Variants in SHC3 observed in about 807,000 individuals in gnomAD.
SHC3 encodes SHC-transforming protein 3.
In SHC3, 15 loss-of-function variants were observed where a neutral mutation model predicts 60.4. The observed-to-expected ratio is 0.25, with a 90% CI of 0.17 to 0.38. The LOEUF (loss-of-function observed/expected upper bound fraction) is 0.38, where lower values mean the gene tolerates loss of function less well. Ranked by LOEUF, SHC3 falls within the 10% of genes least tolerant of loss-of-function variation. SHC3 has a pLI of 1.00. For missense variants in SHC3, 677 were observed against 786.1 expected, an observed-to-expected ratio of 0.86 and a Z score of 1.66; for synonymous variants, 294 against 325.9, an observed-to-expected ratio of 0.90 and a Z score of 1.05.
intron 1 of SHC3, among the ~76,000 whole-genome samples, chr9:89,129,033 T>A (rs147363388): frequency 6.6e-6 from 1 of 152,232 alleles, no homozygotes; most frequent in East Asian, 1.9e-4. Context: ...AATGGCTAAC[T>A]AGAATAAACA....
chr9:89,136,923 G>A (rs187214953), intron 1 of SHC3, among the ~76,000 whole-genome samples: 54 of 152,182 alleles, frequency 3.5e-4, no homozygotes, highest in African/African-American at 1.1e-3. Context: ...ACAGTTTCAC[G>A]GGTTGTACAG....
chr9:89,081,467 C>T (rs1004265696), intron 2 of SHC3, among the ~76,000 whole-genome samples: 7 of 151,400 alleles, frequency 4.6e-5, no homozygotes, highest in African/African-American at 1.7e-4. Context: ...CCCACCCCCA[C>T]ACCCTGAGTG....
chr9:89,120,757 T>C (rs1295134434), intron 1 of SHC3, among the ~76,000 whole-genome samples: 1 of 152,146 alleles, frequency 6.6e-6, no homozygotes. Context: ...GTCTGGGCCA[T>C]AATTCCGAGA....
intron 1 of SHC3, among the ~76,000 whole-genome samples, chr9:89,115,427 A>C (rs775013717): frequency 2.0e-5 from 3 of 152,142 alleles, no homozygotes; most frequent in Non-Finnish European, 2.9e-5. Flanking sequence ...TGTCAGAGAT[A>C]TTATAAATAC....
chr9:89,022,566 C>T lies in SHC3; in HGVS notation c.1657-8991G>A, dbSNP rs117097505. Among the ~76,000 whole-genome samples the T allele has an allele frequency of 5.9e-5, 9 of 152,268 alleles. No homozygotes were observed. The East Asian group carries it at 1.5e-3, about 26-fold the overall frequency. Reference sequence around the variant, plus strand: ...TTAATTTTAGTTGTCCTCAGAATGACCCTTTGCTCATCATAATAGCAAAAA... The same window carrying T: ...TTAATTTTAGTTGTCCTCAGAATGATCCTTTGCTCATCATAATAGCAAAAA... On this transcript the variant is annotated intron_variant, in intron 11 of 11. Transcript: ENST00000375835.
intron 1 of SHC3, among the ~76,000 whole-genome samples, chr9:89,130,226 T>C (rs1343678153): frequency 2.0e-5 from 3 of 152,194 alleles, no homozygotes; most frequent in South Asian, 2.1e-4. Context: ...CTATCCTAAA[T>C]ATACATGCAC....
intron 6 of SHC3, among the ~76,000 whole-genome samples, chr9:89,065,051 T>TC (rs1354280082): frequency 2.0e-5 from 3 of 151,898 alleles, no homozygotes; most frequent in African/African-American, 2.4e-5. Flanking sequence ...TATAAATGAC[T>TC]CCCCCCATCC....
In SHC3 at chr9:89,013,561, G is replaced by A; in HGVS notation, c.1671C>T (p.Asp557=). ...VDPEGTIRTK[D]RVFDSISHLI... ...GGTGGCTGATACTGTCAAAGACTCT[G>A]TCCTTTGTCCGGATCTATGAATGAA... The change falls in exon 12 of 12, where the codon GAC becomes GAT. Residue 557 remains aspartate (D), a synonymous_variant. Transcript: ENST00000375835. 1.2e-6 allele frequency: 2 copies of A among 1,612,942 alleles called. No homozygotes were observed. The highest frequency in any genetic ancestry group is 1.7e-6 in the Non-Finnish European group (2 of 1,179,642).
chr9:89,115,039 C>A (rs1037270303), intron 1 of SHC3, among the ~76,000 whole-genome samples: 1 of 152,148 alleles, frequency 6.6e-6, no homozygotes, highest in Non-Finnish European at 1.5e-5. Flanking sequence ...CTCGCACAAC[C>A]AAGTCACAGG....
intron 1 of SHC3, among the ~76,000 whole-genome samples, chr9:89,173,071 A>G (rs1360896528): frequency 2.0e-5 from 3 of 152,242 alleles, no homozygotes; most frequent in Non-Finnish European, 4.4e-5. Flanking sequence ...CCTCCAACCC[A>G]TAGAGACCAA....
At chr9:89,152,973 C>T (rs1440569888) in intron 1 of SHC3, among the ~76,000 whole-genome samples, 1 of 151,950 alleles carries the variant, frequency 6.6e-6, no homozygotes, top group African/African-American at 2.4e-5. Flanking sequence ...GAGTGGATAC[C>T]CCTGGGAGGT....
rs557679404 is a variant in SHC3 at position 89,162,541 on chromosome 9, T to C, written c.474+15446A>G. On this transcript the variant is annotated intron_variant, in intron 1 of 11. Transcript: ENST00000375835. ...ATGCTGGGAAAACTGGCTAGCCATATGTAGAAAGCTGAAACTGGATCCCTT... is the reference window on the plus strand; with the variant it reads ...ATGCTGGGAAAACTGGCTAGCCATACGTAGAAAGCTGAAACTGGATCCCTT... 1.6e-4 allele frequency among the ~76,000 whole-genome samples: 24 copies of C among 152,328 alleles called. No individual in the cohort carries two copies. The South Asian group carries it at 5.0e-3, about 32-fold the overall frequency.
At chr9:89,164,497 A>G (rs907070925) in intron 1 of SHC3, among the ~76,000 whole-genome samples, 3 of 152,222 alleles carry the variant, frequency 2.0e-5, no homozygotes, top group Non-Finnish European at 4.4e-5. Flanking sequence ...GGGTAGGGGC[A>G]CAGGAGATGA....
intron 11 of SHC3, among the ~76,000 whole-genome samples, chr9:89,029,077 A>G (rs944614813): frequency 5.9e-5 from 9 of 151,596 alleles, no homozygotes; most frequent in Admixed American, 4.6e-4. Flanking sequence ...TATGATAGTC[A>G]AGAAAAGCTC....
Position 89,065,557 on chromosome 9 carries a change from A to G in SHC3, c.807T>C (p.Tyr269=), listed in dbSNP as rs1163551274. The change falls in exon 6 of 12, where the codon TAT becomes TAC. Residue 269 remains tyrosine (Y), a synonymous_variant. Transcript: ENST00000375835. ...TGCGATTAACAGGGTCCTTAGCCAC[A>G]TATGCAACATAGTCAGTTGTGTCCT... The part of the protein sequence containing the change: ...GDPDTTDYVA[Y]VAKDPVNRRA... 1 of 1,614,096 alleles carries G rather than the reference A, an allele frequency of 6.2e-7. No homozygotes were observed. Among genetic ancestry groups the G allele is most frequent in the African/African-American group, 1.3e-5 (1 of 74,936 alleles).
chr9:89,065,386 T>C, intron 6 of SHC3, 143 bp downstream of exon 6: 2 of 890,754 alleles, frequency 2.2e-6, no homozygotes, highest in South Asian at 1.5e-5. Context: ...CTACAACCCT[T>C]GCAAACCTCA....
rs7031531 is a variant in SHC3, at chr9:89,109,467, T to C, written c.545+3089A>G. 6,433 of 985,496 alleles carry C rather than the reference T, an allele frequency of 6.5e-3. 313 individuals are homozygous for C. In the African/African-American group the frequency reaches 0.1, roughly 16 times the overall value. The allele number at this position is 985,496 out of a possible 1,614,324, so 61.0% of individuals were successfully genotyped here. A position where few individuals can be genotyped will look rare whatever the true frequency, so the allele number is the denominator to read the frequency against. ...ATGATGGAGTGAAAGGATTGTGTGG[T>C]GAAAGTTTTTACCTTGGACTTTTGT... is the stretch of plus-strand genomic sequence containing the variant. On this transcript the variant is annotated intron_variant, in intron 2 of 11. Transcript: ENST00000375835.
At chr9:89,104,239 A>G (rs1420986734) in intron 2 of SHC3, among the ~76,000 whole-genome samples, 5 of 152,178 alleles carry the variant, frequency 3.3e-5, no homozygotes, top group African/African-American at 1.2e-4. Flanking sequence ...AATGGTTCCA[A>G]AGTTAAAAAT....
chr9:89,123,733 T>C (rs1004126225), intron 1 of SHC3, among the ~76,000 whole-genome samples: 5 of 152,216 alleles, frequency 3.3e-5, no homozygotes. Context: ...CAGAGGAATT[T>C]ATAAGAATTC....
Sources: gnomAD v4.1 joint callset for allele counts (sites outside exome capture counted in the v4.1 genomes callset) on GRCh38, gnomAD v4.1.1 for gene constraint, MANE v1.5 for transcripts, NCBI Gene and HGNC (gene_info 2026-07-23, HGNC 2026-07-21) for gene names.